KCNH1: variants seen among roughly 807,000 people sequenced by gnomAD.
KCNH1 encodes potassium voltage-gated channel subfamily H member 1, also known as voltage-gated delayed rectifier potassium channel KCNH1.
In KCNH1, 27 loss-of-function variants were observed where a neutral mutation model predicts 69.2. The ratio of observed to expected loss-of-function variants is 0.39; its 90% confidence interval spans 0.29 to 0.54. The LOEUF (loss-of-function observed/expected upper bound fraction) is 0.54, where lower values mean the gene tolerates loss of function less well. KCNH1 is among the 20% of genes least tolerant of loss of function. KCNH1 has a pLI of 0.68. For synonymous variants in KCNH1, 456 were observed against 487.7 expected (o/e 0.93, Z 0.86); for missense variants, 798 against 1,261.6 (o/e 0.63, Z 5.57).
intron 10 of KCNH1, among the ~76,000 whole-genome samples, chr1:210,764,414 G>A (rs1048640545): frequency 1.3e-5 from 2 of 152,026 alleles, no homozygotes; most frequent in Non-Finnish European, 2.9e-5. Context: ...AAGAAACTAT[G>A]AACAGAGTAA....
intron 10 of KCNH1, among the ~76,000 whole-genome samples, chr1:210,748,269 C>G (rs1315200575): frequency 6.6e-6 from 1 of 152,208 alleles, no homozygotes; most frequent in African/African-American, 2.4e-5. Flanking sequence ...ATGTTCACCC[C>G]TTGATGCCCA....
intron 10 of KCNH1, among the ~76,000 whole-genome samples, chr1:210,737,109 T>A (rs1340778834): frequency 6.6e-6 from 1 of 152,178 alleles, no homozygotes; most frequent in Non-Finnish European, 1.5e-5. Context: ...TTCAATCTCA[T>A]CATGCCCTAA....
chr1:211,048,190 T>A (rs1303957260), intron 5 of KCNH1, among the ~76,000 whole-genome samples: 1 of 152,164 alleles, frequency 6.6e-6, no homozygotes, highest in African/African-American at 2.4e-5. Context: ...TAATAGATGT[T>A]GGCATGGATG....
At chr1:210,947,377 G>C (rs1687977567) in intron 6 of KCNH1, among the ~76,000 whole-genome samples, 1 of 151,870 alleles carries the variant, frequency 6.6e-6, no homozygotes, top group African/African-American at 2.4e-5. Context: ...AGACCATCCT[G>C]GTGAACACGG....
At chr1:210,962,980 G>A (rs567126155) in intron 6 of KCNH1, among the ~76,000 whole-genome samples, 4 of 151,422 alleles carry the variant, frequency 2.6e-5, no homozygotes, top group African/African-American at 9.7e-5. Context: ...GGCTGCTCAC[G>A]TGTTTTGCCT....
chr1:210,694,642 G>A (rs978833168), intron 10 of KCNH1, among the ~76,000 whole-genome samples: 1 of 152,180 alleles, frequency 6.6e-6, no homozygotes, highest in Non-Finnish European at 1.5e-5. Context: ...AGGCCCCCTG[G>A]GGAGAGCCTC....
rs189316260 is a variant in KCNH1 at position 211,074,330 on chromosome 1, C to T, written c.558+8450G>A. ...ATATATAATACTATTAGTTTCATCC[C>T]TTTCTTATCCTCTTACATAACATAA... On this transcript the variant is annotated intron_variant, in intron 5 of 10. Coordinates refer to ENST00000271751, the MANE Select transcript of KCNH1 (RefSeq NM_172362.3). 2.2e-3 allele frequency among the ~76,000 whole-genome samples: 326 copies of T among 151,550 alleles called. 3 individuals are homozygous for T. Among genetic ancestry groups the T allele is most frequent in the African/African-American group, 7.7e-3 (318 of 41,384 alleles).
rs141637677 is a variant in KCNH1 at position 210,932,705 on chromosome 1, A to G, written c.1033-12636T>C. On this transcript the variant is annotated intron_variant, in intron 6 of 10. Transcript: ENST00000271751. Reference sequence around the variant, plus strand: ...ACAGAAACCAAAACCAAGCAGGAGTAGCACACTTATGTCAGATAAAATAAA... The same window carrying G: ...ACAGAAACCAAAACCAAGCAGGAGTGGCACACTTATGTCAGATAAAATAAA... Among the ~76,000 whole-genome samples the G allele has an allele frequency of 1.5e-3, 223 of 152,304 alleles. 1 individual carries two copies. The highest frequency in any genetic ancestry group is 5.1e-3 in the African/African-American group (213 of 41,582).
chr1:211,038,956 C>G (rs1019199143), intron 5 of KCNH1, among the ~76,000 whole-genome samples: 2 of 152,186 alleles, frequency 1.3e-5, no homozygotes, highest in African/African-American at 4.8e-5. Context: ...TAGCAAGGAA[C>G]CTAATATGAA....
chr1:211,118,852 C>G (rs930698344), intron 1 of KCNH1, among the ~76,000 whole-genome samples: 1 of 152,202 alleles, frequency 6.6e-6, no homozygotes, highest in Non-Finnish European at 1.5e-5. Flanking sequence ...AGAAAAGTGA[C>G]TCAGTTTGGC....
At chr1:210,751,882 C>T (rs1338928675) in intron 10 of KCNH1, among the ~76,000 whole-genome samples, 1 of 152,054 alleles carries the variant, frequency 6.6e-6, no homozygotes, top group Non-Finnish European at 1.5e-5. Context: ...GATACCTGCT[C>T]TAAAGGACAA....
chr1:211,114,657 G>A (rs1048477386), intron 1 of KCNH1, among the ~76,000 whole-genome samples: 3 of 152,156 alleles, frequency 2.0e-5, no homozygotes, highest in Non-Finnish European at 2.9e-5. Context: ...CCCCATGGTT[G>A]AGAATGCCAA....
chr1:210,766,875 G>T (rs1040308904), intron 10 of KCNH1, among the ~76,000 whole-genome samples: 6 of 152,178 alleles, frequency 3.9e-5, no homozygotes, highest in African/African-American at 1.4e-4. Flanking sequence ...AGTCCCCTTG[G>T]AAATAGGGGA....
At chr1:210,955,083 G>C (rs1688142130) in intron 6 of KCNH1, among the ~76,000 whole-genome samples, 1 of 152,154 alleles carries the variant, frequency 6.6e-6, no homozygotes, top group Admixed American at 6.5e-5. Context: ...TTTGTATAAG[G>C]TGTAAGGAAG....
chr1:210,876,490 A>T (rs1388110040), intron 7 of KCNH1, among the ~76,000 whole-genome samples: 2 of 152,160 alleles, frequency 1.3e-5, no homozygotes, highest in African/African-American at 4.8e-5. Flanking sequence ...TCACTCTGCC[A>T]TAATGGGACA....
chr1:211,035,859 C>G (rs1689887628), intron 5 of KCNH1, among the ~76,000 whole-genome samples: 1 of 152,194 alleles, frequency 6.6e-6, no homozygotes, highest in Non-Finnish European at 1.5e-5. Flanking sequence ...GTACAAATGA[C>G]TATTCATATT....
chr1:210,693,965 G>C (rs1368486300), intron 10 of KCNH1, among the ~76,000 whole-genome samples: 1 of 152,178 alleles, frequency 6.6e-6, no homozygotes, highest in South Asian at 2.1e-4. Context: ...GGCAGTTTTA[G>C]GAGCCTGCTT....
At chr1:210,935,851 A>C (rs1231077261) in intron 6 of KCNH1, among the ~76,000 whole-genome samples, 1 of 152,232 alleles carries the variant, frequency 6.6e-6, no homozygotes, top group African/African-American at 2.4e-5. Flanking sequence ...ACTCTGTTGT[A>C]GTTATACTGA....
At chr1:210,808,612 T>C (rs1026453398) in intron 7 of KCNH1, among the ~76,000 whole-genome samples, 1 of 152,064 alleles carries the variant, frequency 6.6e-6, no homozygotes, top group Non-Finnish European at 1.5e-5. Flanking sequence ...CCCAGGCTGG[T>C]CTCGAACTCC....
Sources: allele counts gnomAD v4.1 joint callset (sites outside exome capture counted in the v4.1 genomes callset), GRCh38; gene constraint gnomAD v4.1.1; transcripts MANE v1.5; gene names NCBI Gene and HGNC (gene_info 2026-07-23, HGNC 2026-07-21).